The following DENND1B variants were observed in gnomAD, a reference collection of about 807,000 sequenced individuals.
DENND1B encodes the protein DENN domain-containing protein 1B.
In DENND1B, 59 loss-of-function variants were observed where a neutral mutation model predicts 90.1. The observed-to-expected ratio is 0.65, with a 90% CI of 0.53 to 0.81. DENND1B has a LOEUF of 0.81. Ranked by LOEUF, DENND1B falls within the 40% of genes least tolerant of loss-of-function variation. DENND1B has a pLI of 0.00. For missense variants in DENND1B, 862 were observed against 912.6 expected, an observed-to-expected ratio of 0.94 and a Z score of 0.71; for synonymous variants, 337 against 324.6, an observed-to-expected ratio of 1.04 and a Z score of -0.41.
intron 5 of DENND1B, among the ~76,000 whole-genome samples, chr1:197,658,927 T>G (rs919339379): frequency 7.3e-5 from 11 of 150,960 alleles, no homozygotes; most frequent in African/African-American, 2.6e-4. Context: ...AATTCAAAAT[T>G]TAATTCATTG....
chr1:197,746,271 T>A (rs1362799175), intron 2 of DENND1B, among the ~76,000 whole-genome samples: 2 of 152,196 alleles, frequency 1.3e-5, no homozygotes, highest in Non-Finnish European at 2.9e-5. Flanking sequence ...GGCACTTGCC[T>A]GTAATCCCAG....
chr1:197,618,998 A>G (rs897622599), intron 10 of DENND1B, among the ~76,000 whole-genome samples: 1 of 151,244 alleles, frequency 6.6e-6, no homozygotes, highest in Non-Finnish European at 1.5e-5. Context: ...ACCAAAACCA[A>G]AAATTTTTAT....
intron 3 of DENND1B, among the ~76,000 whole-genome samples, chr1:197,701,602 G>C (rs1659038905): frequency 6.6e-6 from 1 of 151,874 alleles, no homozygotes; most frequent in African/African-American, 2.4e-5. Context: ...AAAGAAAAAG[G>C]AGAAAAGCCA....
rs1037887157 is a variant in DENND1B, at chr1:197,696,226, G to GT, written c.126+18804dup. On this transcript the variant is annotated intron_variant, in intron 3 of 22. Transcript: ENST00000620048. Reference sequence around the variant, plus strand: ...AGGGTAAAATTTAAAATTCTCTGCTGTTTTTGTATAATACATAATTTTTAC... The same window carrying GT: ...AGGGTAAAATTTAAAATTCTCTGCTGTTTTTTGTATAATACATAATTTTTAC... 6.3e-4 allele frequency among the ~76,000 whole-genome samples: 95 copies of GT among 151,402 alleles called. 1 individual carries two copies. The highest frequency in any genetic ancestry group is 2.2e-3 in the African/African-American group (91 of 41,420).
chr1:197,531,308 A>T (rs1669591104), intron 20 of DENND1B, among the ~76,000 whole-genome samples: 4 of 152,196 alleles, frequency 2.6e-5, no homozygotes, highest in African/African-American at 9.7e-5. Context: ...GGAACATGAA[A>T]ATTATCTAGA....
intron 13 of DENND1B, among the ~76,000 whole-genome samples, chr1:197,598,976 T>A (rs1675956551): frequency 6.6e-6 from 1 of 151,850 alleles, no homozygotes; most frequent in East Asian, 1.9e-4. Context: ...CAGTGAGAAT[T>A]CAGACCTCCA....
chr1:197,667,769 A>C (rs2125977036), intron 5 of DENND1B, among the ~76,000 whole-genome samples: 1 of 152,338 alleles, frequency 6.6e-6, no homozygotes, highest in African/African-American at 2.4e-5. Context: ...ATACTAAAAC[A>C]TACTAGTAAG....
At chr1:197,609,528 C>T (rs141557599) in intron 12 of DENND1B, among the ~76,000 whole-genome samples, 157 of 150,552 alleles carry the variant, frequency 1.0e-3, no homozygotes, top group African/African-American at 3.8e-3. Flanking sequence ...TGTCTTTAGC[C>T]TTTATTTTAG....
In DENND1B at chr1:197,511,757, A is replaced by T; in HGVS notation, c.1786T>A (p.Ser596Thr). ...GGTTTGTAATCAATGTCATCCATTG[A>T]TCTAAAGAAATCCAAGCTCTTTGCA... ...AAAKSLDFFR[S>T]MDDIDYKPTN... The change falls in exon 22 of 23, where the codon TCA becomes ACA. Residue 596 changes from serine (S) to threonine (T), a missense_variant. Ser to Thr is a moderately conservative substitution (Grantham distance 58, BLOSUM62 1). Transcript: ENST00000620048. The T allele has an allele frequency of 6.2e-7, 1 of 1,610,246 alleles. No homozygotes were observed. Among genetic ancestry groups the T allele is most frequent in the Non-Finnish European group, 8.5e-7 (1 of 1,177,738 alleles).
chr1:197,715,140 T>C (rs543337475), intron 2 of DENND1B, 66 bp from the exon 3 acceptor site: 5 of 1,314,166 alleles, frequency 3.8e-6, no homozygotes, highest in African/African-American at 1.5e-5. Context: ...ACAGTCTTGG[T>C]TAAACACTCT....
At chr1:197,571,106 C>T (rs1313657175) in intron 15 of DENND1B, among the ~76,000 whole-genome samples, 1 of 152,152 alleles carries the variant, frequency 6.6e-6, no homozygotes, top group African/African-American at 2.4e-5. Flanking sequence ...TTCACTCCAT[C>T]TTGTTTACTA....
chr1:197,759,968 A>C (rs931427135), intron 2 of DENND1B, among the ~76,000 whole-genome samples: 1 of 152,156 alleles, frequency 6.6e-6, no homozygotes, highest in Non-Finnish European at 1.5e-5. Context: ...AAAAAGATCG[A>C]CTTTAATCAT....
chr1:197,666,686 T>C (rs913061106), intron 5 of DENND1B, among the ~76,000 whole-genome samples: 11 of 152,216 alleles, frequency 7.2e-5, no homozygotes, highest in African/African-American at 2.2e-4. Flanking sequence ...AAAATGAGCA[T>C]AGTTGATCTT....
chr1:197,733,026 T>G (rs1662292901), intron 2 of DENND1B, among the ~76,000 whole-genome samples: 1 of 152,168 alleles, frequency 6.6e-6, no homozygotes, highest in South Asian at 2.1e-4. Context: ...ACTTCTTTAT[T>G]TCTATAGACA....
chr1:197,651,455 A>G (rs1321038860), intron 7 of DENND1B, among the ~76,000 whole-genome samples: 1 of 151,936 alleles, frequency 6.6e-6, no homozygotes, highest in Admixed American at 6.6e-5. Context: ...GTATTTTGTG[A>G]TTATACTAGA....
intron 2 of DENND1B, among the ~76,000 whole-genome samples, chr1:197,727,842 A>G (rs1384524943): frequency 2.6e-5 from 4 of 152,158 alleles, no homozygotes; most frequent in Admixed American, 2.6e-4. Context: ...TTTATATTCT[A>G]CACATATACA....
In DENND1B at chr1:197,540,091, C is replaced by G. The variant is rs376958889; in HGVS notation, c.1408-20G>C. The G allele has an allele frequency of 3.9e-5, 60 of 1,547,462 alleles. No individual in the cohort carries two copies. In the South Asian group the frequency reaches 6.7e-4, roughly 17 times the overall value. ...ATTTTCCTACACATGAAAAAATATA[C>G]AGGCAATAATTGTAAAGTACTCCTT... is the stretch of plus-strand genomic sequence containing the variant. On this transcript the variant is annotated intron_variant, in intron 19 of 22. Coordinates refer to ENST00000620048, the MANE Select transcript of DENND1B (RefSeq NM_001195215.2).
intron 3 of DENND1B, among the ~76,000 whole-genome samples, chr1:197,679,044 A>G (rs1656383608): frequency 1.3e-5 from 2 of 152,126 alleles, no homozygotes; most frequent in Admixed American, 6.6e-5. Flanking sequence ...TACATAGGTT[A>G]TTAAATCTGA....
Position 197,509,410 on chromosome 1 carries a change from T to G in DENND1B, c.*1050A>C, listed in dbSNP as rs561820999. The G allele has an allele frequency of 6.6e-6, 1 of 151,682 alleles. No homozygotes were observed. Among genetic ancestry groups the G allele is most frequent in the Non-Finnish European group, 1.5e-5 (1 of 67,804 alleles). 9.4% of individuals were successfully genotyped at this position (151,682 alleles called of 1,614,324 possible). ...TAGGAGAAAACTAAGAAAATCTGAA[T>G]AAAGTATGGAATATCAATATTGGTT... On this transcript the variant is annotated 3_prime_UTR_variant, in exon 23 of 23. Coordinates refer to ENST00000620048, the MANE Select transcript of DENND1B (RefSeq NM_001195215.2).
Sources: allele counts gnomAD v4.1 joint callset (sites outside exome capture counted in the v4.1 genomes callset), GRCh38; gene constraint gnomAD v4.1.1; transcripts MANE v1.5; gene names NCBI Gene and HGNC (gene_info 2026-07-23, HGNC 2026-07-21).